Variants in PLTP observed in about 807,000 individuals in gnomAD.
PLTP encodes phospholipid transfer protein.
In PLTP, 43 loss-of-function variants were observed where a neutral mutation model predicts 54.1. The observed-to-expected ratio is 0.79, with a 90% confidence interval of 0.62 to 1.02. The LOEUF is 1.02. Among genes scored for constraint, PLTP ranks in the 50% least tolerant of loss-of-function variants. The pLI is 0.00. For missense variants in PLTP, 604 were observed against 645.9 expected (o/e 0.94, Z 0.70); for synonymous variants, 263 against 264.6 (o/e 0.99, Z 0.06).
intron 4 of PLTP, 53 bp downstream of exon 4, chr20:45,909,889 C>A (rs937501237): frequency 6.2e-7 from 1 of 1,608,574 alleles, no homozygotes; most frequent in Admixed American, 1.7e-5. Context: ...CCCCACAGCA[C>A]CTCCAGCCCT....
intron 12 of PLTP, 68 bp downstream of exon 12, chr20:45,902,199 G>T (rs553359): frequency 0.64 from 977,916 of 1,519,638 alleles, 315,946 homozygotes; most frequent in Admixed American, 0.76. Context: ...TACTTTAAGC[G>T]CAACATCCCT....
At position 45,899,645 on chromosome 20, in the gene PLTP, A is replaced by G. The variant is rs760077699; in HGVS notation, c.1259T>C (p.Ile420Thr). 6.2e-6 allele frequency: 10 copies of G among 1,613,578 alleles called. No homozygotes were observed. The highest frequency in any genetic ancestry group is 8.5e-6 in the Non-Finnish European group (10 of 1,179,884). The change falls in exon 14 of 16, where the codon ATT becomes ACT. Residue 420 changes from isoleucine (I) to threonine (T), a missense_variant. Coordinates refer to ENST00000372431, the MANE Select transcript of PLTP (RefSeq NM_006227.4). ...ACCATTGAGCATGGGCATCACCCCA[A>G]TCTGCAGCATGGTCTTCAGAGGGGC... is the stretch of plus-strand genomic sequence containing the variant. ...LQAPLKTMLQ[I>T]GVMPMLNERT...
chr20:45,911,183 T>C lies in PLTP; in HGVS notation c.169A>G (p.Lys57Glu). 1 of 1,614,148 alleles carries C rather than the reference T, an allele frequency of 6.2e-7. No individual in the cohort carries two copies. Among genetic ancestry groups the C allele is most frequent in the East Asian group, 2.2e-5 (1 of 44,880 alleles). The change falls in exon 3 of 16, where the codon AAA becomes GAA. Residue 57 changes from lysine (K) to glutamate (E), a missense_variant. Physicochemically the swap from Lys to Glu is moderately conservative, Grantham distance 56 (BLOSUM62 1). Coordinates refer to ENST00000372431, the MANE Select transcript of PLTP (RefSeq NM_006227.4). Reference sequence around the variant, plus strand: ...ATGTTGTAGTAGAAGTGGCCTTCTTTGCCCCGCAGGTCCGGAATGGTGATA... The same window carrying C: ...ATGTTGTAGTAGAAGTGGCCTTCTTCGCCCCGCAGGTCCGGAATGGTGATA... ...ETITIPDLRG[K>E]EGHFYYNISE...
At position 45,902,299 on chromosome 20, in the gene PLTP, C is replaced by A. The variant is rs771235614; in HGVS notation, c.1143G>T (p.Gly381=). Residue 381 remains glycine (G), a synonymous_variant, in exon 12 of 16, where the codon GGG becomes GGT. Transcript: ENST00000372431. ...GGTCCAGCTGCGTGCGCAGGGCCTTCCCCCGGAGAGCCATCTTGGCGCTGA... is the reference window on the plus strand; with the variant it reads ...GGTCCAGCTGCGTGCGCAGGGCCTTACCCCGGAGAGCCATCTTGGCGCTGA... ...ARLSAKMALR[G]KALRTQLDLR... is the part of the protein sequence containing the mutation. 1.2e-6 allele frequency: 2 copies of A among 1,613,994 alleles called. No homozygotes were observed. Among genetic ancestry groups the A allele is most frequent in the Admixed American group, 3.3e-5 (2 of 60,000 alleles).
At chr20:45,910,803 C>A (rs2083282691) in intron 3 of PLTP, 1 of 1,202,220 alleles carries the variant, frequency 8.3e-7, no homozygotes, top group South Asian at 1.6e-5. Flanking sequence ...GTTTCTCCAC[C>A]CCTCCGATTA....
intron 7 of PLTP, among the ~76,000 whole-genome samples, chr20:45,906,762 G>A (rs12479854): frequency 0.12 from 12,238 of 99,616 alleles, 1,449 homozygotes; most frequent in Middle Eastern, 0.24. Flanking sequence ...ATGGTGGTGG[G>A]CGCCTGTAAT....
At position 45,898,858 on chromosome 20, in the gene PLTP, A is replaced by C. The variant is rs2083143520; in HGVS notation, c.*83T>G. The C allele has an allele frequency of 6.7e-7, 1 of 1,496,428 alleles. No homozygotes were observed. The allele number at this position is 1,496,428 out of a possible 1,614,324, so 92.7% of individuals were successfully genotyped here. A position where few individuals can be genotyped will look rare whatever the true frequency, so the allele number is the denominator to read the frequency against. On this transcript the variant is annotated 3_prime_UTR_variant, in exon 16 of 16. Transcript: ENST00000372431. The surrounding 1 kb of genome is among the most constrained non-coding windows in gnomAD (Gnocchi z 4.6). ...TGTGGCACTGGGGGTTAGAGGGGGCACTACAGGCTATGAATGTGGGAAAAG... is the reference window on the plus strand; with the variant it reads ...TGTGGCACTGGGGGTTAGAGGGGGCCCTACAGGCTATGAATGTGGGAAAAG...
At position 45,905,001 on chromosome 20, in the gene PLTP, A is replaced by G; in HGVS notation, c.823T>C (p.Ser275Pro). 1.2e-6 allele frequency: 2 copies of G among 1,614,232 alleles called. No individual in the cohort carries two copies. The highest frequency in any genetic ancestry group is 1.7e-6 in the Non-Finnish European group (2 of 1,180,044). The change falls in exon 9 of 16, where the codon TCT (serine) becomes CCT (proline). Residue 275 changes from serine to proline, a missense_variant. By Grantham distance (74) the Ser-to-Pro change is moderately conservative (BLOSUM62 -1). Coordinates refer to ENST00000372431, the MANE Select transcript of PLTP (RefSeq NM_006227.4). Reference protein sequence around the residue: ...YVAFSEFFFDSAMESYFRAGA... With the variant: ...YVAFSEFFFDPAMESYFRAGA... Reference sequence around the variant, plus strand: ...GCCCGGAAGTAGCTCTCCATGGCAGAGTCGAAGAAGAACTCAGAGAAGGCC... The same window carrying G: ...GCCCGGAAGTAGCTCTCCATGGCAGGGTCGAAGAAGAACTCAGAGAAGGCC...
chr20:45,900,582 G>T (rs2083175559), intron 12 of PLTP, among the ~76,000 whole-genome samples: 2 of 152,096 alleles, frequency 1.3e-5, no homozygotes, highest in African/African-American at 4.8e-5. Context: ...AGGCTGGAGG[G>T]CAGTGGTGTA....
chr20:45,904,975 C>G lies in PLTP; in HGVS notation c.849G>C (p.Ala283=). Reference sequence around the variant, plus strand: ...CCACCAGCAACAGCTGCAGGGCCCCCGCCCGGAAGTAGCTCTCCATGGCAG... The same window carrying G: ...CCACCAGCAACAGCTGCAGGGCCCCGGCCCGGAAGTAGCTCTCCATGGCAG... ...FDSAMESYFR[A]GALQLLLVGD... The change falls in exon 9 of 16, where the codon GCG becomes GCC. Residue 283 remains alanine (A), a synonymous_variant. Transcript: ENST00000372431. The G allele has an allele frequency of 6.2e-7, 1 of 1,614,272 alleles. No homozygotes were observed. Among genetic ancestry groups the G allele is most frequent in the Non-Finnish European group, 8.5e-7 (1 of 1,180,056 alleles).
chr20:45,910,834 C>G, intron 3 of PLTP: 1 of 1,265,518 alleles, frequency 7.9e-7, no homozygotes, highest in Non-Finnish European at 1.0e-6. Flanking sequence ...GTGCCCGAGA[C>G]TCCACTCTCA....
intron 9 of PLTP, 27 bp downstream of exon 9, chr20:45,904,915 C>A: frequency 6.2e-7 from 1 of 1,614,182 alleles, no homozygotes. Flanking sequence ...CTTCTCTTGC[C>A]CATCCCACAA....
intron 15 of PLTP, 46 bp downstream of exon 15, chr20:45,899,416 A>C (rs369409921): frequency 7.1e-5 from 113 of 1,590,534 alleles, no homozygotes; most frequent in Non-Finnish European, 9.3e-5. Flanking sequence ...GGAGCTATAG[A>C]GAGAGGGGAA....
chr20:45,911,417 C>T lies in PLTP; in HGVS notation c.36G>A (p.Leu12=). ...ALFGALFLAL[L]AGAHAEFPGC... is the part of the protein sequence containing the mutation. ...CTGGGAACTCTGCATGTGCGCCTGC[C>T]AGCAGCGCTAGGAAGAGGGCCCCGA... Residue 12 remains leucine (L), a synonymous_variant, in exon 2 of 16, where the codon CTG becomes CTA. Transcript: ENST00000372431. 1 of 1,607,964 alleles carries T rather than the reference C, an allele frequency of 6.2e-7. No individual in the cohort carries two copies. The highest frequency in any genetic ancestry group is 8.5e-7 in the Non-Finnish European group (1 of 1,179,998).
rs1486679629 is a variant in PLTP, at chr20:45,907,750, G to A, written c.555C>T (p.Cys185=). 1 of 1,613,512 alleles carries A rather than the reference G, an allele frequency of 6.2e-7. No individual in the cohort carries two copies. The highest frequency in any genetic ancestry group is 1.7e-5 in the Admixed American group (1 of 59,936). The change falls in exon 7 of 16, where the codon TGC becomes TGT. Residue 185 remains cysteine, a synonymous_variant. Coordinates refer to ENST00000372431, the MANE Select transcript of PLTP (RefSeq NM_006227.4). The part of the protein sequence containing the change: ...GMRFLLNQQI[C]PVLYHAGTVL... ...CCGTCCCTGCGTGGTAGAGGACAGGGCAGATCTGCGAGGTGGGAGCCAGAG... is the reference window on the plus strand; with the variant it reads ...CCGTCCCTGCGTGGTAGAGGACAGGACAGATCTGCGAGGTGGGAGCCAGAG...
At chr20:45,900,077 C>T (rs1452666584) in intron 12 of PLTP, among the ~76,000 whole-genome samples, 199 bp from the exon 13 acceptor site, 2 of 130,580 alleles carry the variant, frequency 1.5e-5, no homozygotes, top group Non-Finnish European at 3.3e-5. Context: ...AAGACTGCTA[C>T]TTTTTATTTA....
In PLTP at chr20:45,907,182, T is replaced by C. The variant is rs149862901; in HGVS notation, c.613+510A>G. Reference sequence around the variant, plus strand: ...TCTCTACTAAAACACAAAAAACTAGTTGGGCATGGTGGTGCACGCCTGTAG... The same window carrying C: ...TCTCTACTAAAACACAAAAAACTAGCTGGGCATGGTGGTGCACGCCTGTAG... On this transcript the variant is annotated intron_variant, in intron 7 of 15. Coordinates refer to ENST00000372431, the MANE Select transcript of PLTP (RefSeq NM_006227.4). 6.7e-5 allele frequency among the ~76,000 whole-genome samples: 10 copies of C among 150,054 alleles called. No homozygotes were observed. The East Asian group carries it at 2.0e-3, about 29-fold the overall frequency.
chr20:45,899,771 G>A (rs1468291458), intron 13 of PLTP, 65 bp downstream of exon 13: 2 of 1,580,560 alleles, frequency 1.3e-6, no homozygotes, highest in Non-Finnish European at 1.7e-6. Context: ...TATATGAGGA[G>A]GGGGGGATGG....
At chr20:45,911,619 G>A (rs1179293623) in intron 1 of PLTP, 156 bp from the exon 2 acceptor site, 2 of 1,004,078 alleles carry the variant, frequency 2.0e-6, no homozygotes, top group African/African-American at 3.2e-5. Flanking sequence ...GGCAGATGTG[G>A]AAACTGAGGC....
Sources: allele counts gnomAD v4.1 joint callset (sites outside exome capture counted in the v4.1 genomes callset), GRCh38; gene constraint gnomAD v4.1.1; non-coding constraint Gnocchi (gnomAD v3.1); transcripts MANE v1.5; gene names NCBI Gene and HGNC (gene_info 2026-07-23, HGNC 2026-07-21).